The following VPS13A variants were observed in gnomAD, a reference collection of about 807,000 sequenced individuals.
VPS13A encodes vacuolar protein sorting 13 homolog A.
A neutral mutation model predicts 390.9 loss-of-function variants in VPS13A; 264 were observed. That is an observed-to-expected ratio of 0.68 (90% CI 0.61 to 0.75). The LOEUF (loss-of-function observed/expected upper bound fraction) is 0.75. Ranked by LOEUF, VPS13A falls within the 30% of genes least tolerant of loss-of-function variation. The pLI is 0.00. For missense variants in VPS13A, 3,409 were observed against 3,733.9 expected (o/e 0.91, Z 2.27); for synonymous variants, 1,231 against 1,227.1 (o/e 1.00, Z -0.07).
In VPS13A at chr9:77,177,684, T is replaced by G. The variant is rs937543884; in HGVS notation, c.-21T>G. 6.2e-7 allele frequency: 1 copy of G among 1,609,756 alleles called. No individual in the cohort carries two copies. The highest frequency in any genetic ancestry group is 1.7e-5 in the Admixed American group (1 of 59,958). ...GGAGGAGCGCACGGGCCGGCTGCCG[T>G]GCCCACCACGGCTGAGGAACATGGT... On this transcript the variant is annotated 5_prime_UTR_variant, in exon 1 of 72. Transcript: ENST00000360280.
intron 45 of VPS13A, among the ~76,000 whole-genome samples, chr9:77,331,333 A>T (rs964121262): frequency 6.6e-6 from 1 of 152,076 alleles, no homozygotes; most frequent in South Asian, 2.1e-4. Context: ...ACATTCTACC[A>T]GTAGTGTATG....
At chr9:77,344,615 C>A (rs563235864) in intron 51 of VPS13A, among the ~76,000 whole-genome samples, 1 of 151,936 alleles carries the variant, frequency 6.6e-6, no homozygotes, top group Non-Finnish European at 1.5e-5. Flanking sequence ...AAAAATTAGC[C>A]GGGCGTGGTG....
intron 68 of VPS13A, among the ~76,000 whole-genome samples, chr9:77,388,806 A>G (rs533810008): frequency 6.6e-6 from 1 of 152,342 alleles, no homozygotes; most frequent in African/African-American, 2.4e-5. Flanking sequence ...ATTATCATTT[A>G]TCAGTAACCT....
intron 48 of VPS13A, 96 bp from the exon 49 acceptor site, chr9:77,340,082 T>C: frequency 1.5e-6 from 2 of 1,373,550 alleles, no homozygotes; most frequent in Non-Finnish European, 1.0e-6. Context: ...ATTAACAATA[T>C]AATATTTTGT....
intron 68 of VPS13A, among the ~76,000 whole-genome samples, chr9:77,392,157 A>G (rs532010851): frequency 7.4e-4 from 113 of 152,300 alleles, no homozygotes; most frequent in African/African-American, 2.6e-3. Context: ...AGACACCTAA[A>G]ATATGACCCA....
chr9:77,201,482 A>G, intron 3 of VPS13A, 75 bp downstream of exon 3: 1 of 1,199,380 alleles, frequency 8.3e-7, no homozygotes, highest in Non-Finnish European at 1.2e-6. Context: ...TATATCTATT[A>G]TGTGATATTT....
intron 68 of VPS13A, among the ~76,000 whole-genome samples, chr9:77,391,451 C>T (rs549373571): frequency 1.2e-4 from 18 of 152,250 alleles, no homozygotes; most frequent in Non-Finnish European, 2.5e-4. Flanking sequence ...TTAATGCCAT[C>T]TATTAAAGGA....
At chr9:77,333,550 G>A (rs1419937402) in intron 46 of VPS13A, among the ~76,000 whole-genome samples, 1 of 151,620 alleles carries the variant, frequency 6.6e-6, no homozygotes, top group South Asian at 2.1e-4. Flanking sequence ...AAGTAGCTGG[G>A]ATTACAGGCA....
intron 42 of VPS13A, 96 bp downstream of exon 42, chr9:77,319,769 A>G (rs913805286): frequency 2.9e-5 from 19 of 666,562 alleles, no homozygotes; most frequent in Non-Finnish European, 1.5e-5. Context: ...AGCAAAATTG[A>G]GAAGAAGGAA....
At position 77,224,782 on chromosome 9, in the gene VPS13A, A is replaced by G. The variant is rs1417773512; in HGVS notation, c.1162-1144A>G. On this transcript the variant is annotated intron_variant, in intron 13 of 71. Coordinates refer to ENST00000360280, the MANE Select transcript of VPS13A (RefSeq NM_033305.3). ...CTGCTGTTTGAGAGGATTGACTTCA[A>G]TTTTGAAGGAAATTCTGTAAGTAAA... 7.2e-5 allele frequency among the ~76,000 whole-genome samples: 11 copies of G among 152,346 alleles called. No homozygotes were observed. The East Asian group carries it at 1.7e-3, about 24-fold the overall frequency.
chr9:77,179,911 T>C (rs1400516301), intron 1 of VPS13A, among the ~76,000 whole-genome samples: 3 of 152,138 alleles, frequency 2.0e-5, no homozygotes, highest in African/African-American at 7.2e-5. Flanking sequence ...AATCTTTCTG[T>C]CTTTATGGAT....
In VPS13A at chr9:77,274,936, CT is replaced by C. The variant is rs569926970; in HGVS notation, c.2513-557del. Among the ~76,000 whole-genome samples, 11 of 151,936 alleles carry C rather than the reference CT, an allele frequency of 7.2e-5. No individual in the cohort carries two copies. The East Asian group carries it at 2.1e-3, about 29-fold the overall frequency. ...TAAGTTATCTAATGCTTTTTCAGTC[CT>C]TTTTAATATCAGCATATGTGTATGC... On this transcript the variant is annotated intron_variant, in intron 24 of 71. Coordinates refer to ENST00000360280, the MANE Select transcript of VPS13A (RefSeq NM_033305.3).
chr9:77,314,667 A>G lies in VPS13A; in HGVS notation c.4412+3A>G, dbSNP rs373478900. ...CATGTCAAGAAAGCAACTCCTCGGT[A>G]TGTATTGTAATGATGTTCTAAGGTT... is the stretch of plus-strand genomic sequence containing the variant. On this transcript the variant is annotated splice_donor_region_variant and intron_variant, in intron 37 of 71. Transcript: ENST00000360280. The G allele has an allele frequency of 2.4e-5, 39 of 1,609,852 alleles. No individual in the cohort carries two copies. The African/African-American group carries it at 4.4e-4, about 18-fold the overall frequency.
intron 10 of VPS13A, among the ~76,000 whole-genome samples, chr9:77,216,724 T>C (rs868539920): frequency 3.3e-5 from 5 of 152,282 alleles, no homozygotes; most frequent in Middle Eastern, 3.4e-3. Context: ...TTAAGGAGTA[T>C]TGACTCACAT....
At position 77,339,627 on chromosome 9, in the gene VPS13A, G is replaced by A. The variant is rs200975729; in HGVS notation, c.6490G>A (p.Asp2164Asn). 8 of 1,613,364 alleles carry A rather than the reference G, an allele frequency of 5.0e-6. No homozygotes were observed. Among genetic ancestry groups the A allele is most frequent in the African/African-American group, 2.7e-5 (2 of 74,928 alleles). ...HLKLLDYLNH[D>N]WKSEYHIKPN... Reference sequence around the variant, plus strand: ...AAAATTACTTGACTATCTCAATCACGATTGGAAAAGTGAATATCACATAAA... The same window carrying A: ...AAAATTACTTGACTATCTCAATCACAATTGGAAAAGTGAATATCACATAAA... Residue 2164 changes from aspartate to asparagine, a missense_variant, in exon 48 of 72, where the codon GAT (aspartate) becomes AAT (asparagine). This residue lies in a region of VPS13A where 2,717 missense variants were observed against 2,917.4 expected (regional missense o/e 0.93). Coordinates refer to ENST00000360280, the MANE Select transcript of VPS13A (RefSeq NM_033305.3).
chr9:77,268,883 T>C (rs1307824325), intron 23 of VPS13A, among the ~76,000 whole-genome samples: 1 of 149,680 alleles, frequency 6.7e-6, no homozygotes, highest in Non-Finnish European at 1.5e-5. Context: ...GAGGTTGCAG[T>C]GAGCCAAGAT....
intron 68 of VPS13A, among the ~76,000 whole-genome samples, chr9:77,392,633 C>T (rs1406147489): frequency 6.6e-6 from 1 of 151,970 alleles, no homozygotes; most frequent in East Asian, 1.9e-4. Flanking sequence ...AAGCAAGTCA[C>T]ACGCATATAT....
At chr9:77,188,287 C>T (rs1360701568) in intron 1 of VPS13A, among the ~76,000 whole-genome samples, 1 of 152,178 alleles carries the variant, frequency 6.6e-6, no homozygotes, top group Admixed American at 6.5e-5. Context: ...TACCCAGGCT[C>T]AGGTATTTCT....
intron 71 of VPS13A, among the ~76,000 whole-genome samples, chr9:77,410,193 C>T (rs1834852197): frequency 6.6e-6 from 1 of 152,116 alleles, no homozygotes; most frequent in Non-Finnish European, 1.5e-5. Flanking sequence ...TCCAGCCAAA[C>T]TAAGCTCCAT....
Sources: gnomAD v4.1 joint callset for allele counts (sites outside exome capture counted in the v4.1 genomes callset) on GRCh38, gnomAD v4.1.1 for gene constraint, gnomAD v4.1.1 regional missense constraint, MANE v1.5 for transcripts, NCBI Gene and HGNC (gene_info 2026-07-23, HGNC 2026-07-21) for gene names.